The following ZBTB25 variants were observed in gnomAD, a reference collection of about 807,000 sequenced individuals.
ZBTB25 encodes zinc finger and BTB domain containing 25, also known as zinc finger and BTB domain-containing protein 25.
A neutral mutation model predicts 34.2 loss-of-function variants in ZBTB25; 20 were observed. The ratio of observed to expected loss-of-function variants is 0.58; its 90% CI spans 0.41 to 0.85. The LOEUF (loss-of-function observed/expected upper bound fraction) is 0.85. Among genes scored for constraint, ZBTB25 ranks in the 40% least tolerant of loss-of-function variants. The pLI, the probability that ZBTB25 is intolerant of heterozygous loss-of-function variation, is 0.00. For missense variants in ZBTB25, 437 were observed against 521.8 expected, an observed-to-expected ratio of 0.84 and a Z score of 1.58; for synonymous variants, 175 against 186.4, an observed-to-expected ratio of 0.94 and a Z score of 0.50.
chr14:64,453,274 A>G (rs1168617856), intron 2 of ZBTB25, among the ~76,000 whole-genome samples: 1 of 152,076 alleles, frequency 6.6e-6, no homozygotes, highest in East Asian at 1.9e-4. Flanking sequence ...GCTTGATATT[A>G]AAAGAAAGTG....
chr14:64,459,809 T>A, intron 2 of ZBTB25: 2 of 1,535,870 alleles, frequency 1.3e-6, no homozygotes, highest in Non-Finnish European at 1.7e-6. Flanking sequence ...CAGTGTCTAT[T>A]CAGGCCCACT....
chr14:64,469,141 A>T (rs779407522), intron 2 of ZBTB25: 1 of 1,614,174 alleles, frequency 6.2e-7, no homozygotes, highest in Non-Finnish European at 8.5e-7. Context: ...AAGCAAGCCC[A>T]CTTGAAACTT....
chr14:64,449,593 A>G, exon 3 of ZBTB25: 1 of 1,614,182 alleles, frequency 6.2e-7, no homozygotes, highest in South Asian at 1.1e-5. Context: ...ACAAGCACCC[A>G]GCAGCTTCCA....
At chr14:64,469,675 G>A (rs1481383644) in intron 2 of ZBTB25, 7 of 1,567,694 alleles carry the variant, frequency 4.5e-6, no homozygotes, top group Non-Finnish European at 5.2e-6. Context: ...ATCTTCTACA[G>A]TGACTTACTC....
At position 64,498,375 on chromosome 14, in the gene ZBTB25, C is replaced by T. The variant is rs573127707; in HGVS notation, c.-8+5286G>A. ...GGCTGCAGGCTGGAGTGCAATGGCG[C>T]GATCTCGGCTCAATGCAACCTCCGC... On this transcript the variant is annotated intron_variant, in intron 1 of 2. Transcript: ENST00000608382. Among the ~76,000 whole-genome samples, 323 of 151,434 alleles carry T rather than the reference C, an allele frequency of 2.1e-3. 2 individuals are homozygous for T. The South Asian group carries it at 0.025, about 12-fold the overall frequency.
chr14:64,457,570 C>A (rs1012844036), intron 2 of ZBTB25, among the ~76,000 whole-genome samples: 2 of 152,010 alleles, frequency 1.3e-5, no homozygotes, highest in South Asian at 2.1e-4. Flanking sequence ...ATTCTCCTGC[C>A]TCAGCCTCCC....
chr14:64,486,768 T>G lies in ZBTB25; in HGVS notation c.*155A>C. 1 of 1,358,008 alleles carries G rather than the reference T, an allele frequency of 7.4e-7. No individual in the cohort carries two copies. Among genetic ancestry groups the G allele is most frequent in the Non-Finnish European group, 9.5e-7 (1 of 1,057,004 alleles). 84.1% of individuals were successfully genotyped at this position (1,358,008 alleles called of 1,614,324 possible). On this transcript the variant is annotated 3_prime_UTR_variant, in exon 3 of 3. Transcript: ENST00000608382. Reference sequence around the variant, plus strand: ...TTAATAGCCACATATTAATATGTCTTATGAGAAGATCTAATATATACAACC... The same window carrying G: ...TTAATAGCCACATATTAATATGTCTGATGAGAAGATCTAATATATACAACC...
downstream of ZBTB25, among the ~76,000 whole-genome samples, chr14:64,475,146 T>A (rs932118042): frequency 6.6e-6 from 1 of 152,084 alleles, no homozygotes; most frequent in African/African-American, 2.4e-5. Context: ...GCAGGATTTT[T>A]AAAAGTTTTA....
At chr14:64,491,962 G>A (rs2079095336) in intron 1 of ZBTB25, among the ~76,000 whole-genome samples, 1 of 151,848 alleles carries the variant, frequency 6.6e-6, no homozygotes, top group Non-Finnish European at 1.5e-5. Context: ...CTTCCTATGT[G>A]TCAAAAATTA....
intron 1 of ZBTB25, among the ~76,000 whole-genome samples, chr14:64,495,697 C>T (rs1316618489): frequency 6.6e-6 from 1 of 152,240 alleles, no homozygotes; most frequent in African/African-American, 2.4e-5. Context: ...TGGCTCATGC[C>T]TGTAATCCCA....
rs551883374 is a variant in ZBTB25 at position 64,454,412 on chromosome 14, C to T, written c.174-4774G>A. ...TATAGGCATGAACCACTGCACCTGACCCTCTCCAATTTTATTCTCATATCT... is the reference window on the plus strand; with the variant it reads ...TATAGGCATGAACCACTGCACCTGATCCTCTCCAATTTTATTCTCATATCT... On this transcript the variant is annotated intron_variant, in intron 2 of 2. Coordinates refer to the ZBTB25 transcript ENST00000555220. Among the ~76,000 whole-genome samples the T allele has an allele frequency of 5.9e-5, 9 of 152,300 alleles. No homozygotes were observed. In the South Asian group the frequency reaches 1.9e-3, roughly 32 times the overall value.
intron 2 of ZBTB25, among the ~76,000 whole-genome samples, chr14:64,464,344 T>C (rs1257136362): frequency 6.6e-6 from 1 of 152,206 alleles, no homozygotes; most frequent in African/African-American, 2.4e-5. Flanking sequence ...AATTCTTAAT[T>C]ACAACTAAAC....
In ZBTB25 at chr14:64,483,879, G is replaced by C. The variant is rs1294744618; in HGVS notation, c.*3044C>G. On this transcript the variant is annotated 3_prime_UTR_variant, in exon 3 of 3. Transcript: ENST00000608382. ...GAATCACTTGAATTCGAGAGGCGGA[G>C]GTTGCAGTGAGCTGAGATTGCACCA... 6.8e-6 allele frequency: 1 copy of C among 146,230 alleles called. No homozygotes were observed. Among genetic ancestry groups the C allele is most frequent in the African/African-American group, 2.6e-5 (1 of 38,672 alleles). The allele number at this position is 146,230 out of a possible 1,614,324, so 9.1% of individuals were successfully genotyped here.
At chr14:64,450,301 G>A (rs2078350017) in intron 2 of ZBTB25, among the ~76,000 whole-genome samples, 1 of 152,172 alleles carries the variant, frequency 6.6e-6, no homozygotes, top group African/African-American at 2.4e-5. Flanking sequence ...ATTGGTAAGG[G>A]GCTGCATCGA....
At chr14:64,503,481 C>T (rs1451646344) in intron 1 of ZBTB25, 180 bp downstream of exon 1, 1 of 985,306 alleles carries the variant, frequency 1.0e-6, no homozygotes, top group Non-Finnish European at 1.2e-6. Flanking sequence ...AGCGCTCACT[C>T]GCGGATGTAT....
rs1303656669 is a variant in ZBTB25 at position 64,503,692 on chromosome 14, T to C, written c.-39A>G. On this transcript the variant is annotated 5_prime_UTR_variant, in exon 1 of 3. Coordinates refer to ENST00000608382, the MANE Select transcript of ZBTB25 (RefSeq NM_006977.5). ...GCCGCCGCGGCGGCAGGCCGACTCC[T>C]CCGTGCAGGAGGGGCGGGCTCCCAA... 1 of 825,834 alleles carries C rather than the reference T, an allele frequency of 1.2e-6. No homozygotes were observed. Among genetic ancestry groups the C allele is most frequent in the Non-Finnish European group, 1.5e-6 (1 of 684,528 alleles). 51.2% of individuals were successfully genotyped at this position (825,834 alleles called of 1,614,324 possible).
At position 64,485,122 on chromosome 14, in the gene ZBTB25, C is replaced by T; in HGVS notation, c.*1801G>A. On this transcript the variant is annotated 3_prime_UTR_variant, in exon 3 of 3. Coordinates refer to ENST00000608382, the MANE Select transcript of ZBTB25 (RefSeq NM_006977.5). ...TTCTTCATTCAATCCTCAAGAAAAA[C>T]TTACCACTTTGTAATTTACCTAAAC... The T allele has an allele frequency of 3.0e-6, 3 of 985,408 alleles. No individual in the cohort carries two copies. The highest frequency in any genetic ancestry group is 3.6e-6 in the Non-Finnish European group (3 of 829,918). 61.0% of individuals were successfully genotyped at this position (985,408 alleles called of 1,614,324 possible).
intron 2 of ZBTB25, among the ~76,000 whole-genome samples, chr14:64,457,212 T>C (rs2078488528): frequency 1.3e-5 from 2 of 152,168 alleles, no homozygotes; most frequent in Non-Finnish European, 2.9e-5. Context: ...AAAAATCACA[T>C]GGGCAGCTCA....
In ZBTB25 at chr14:64,487,964, A is replaced by T. The variant is rs1192874074; in HGVS notation, c.267T>A (p.Ile89=). The T allele has an allele frequency of 5.6e-6, 9 of 1,614,038 alleles. No homozygotes were observed. ...CTTCCTCCAAACGACTATGATCCAC[A>T]ATCTGTTTTGGCCCTTTCCCCGTGT... is the stretch of plus-strand genomic sequence containing the variant. ...IMYTGKGPKQ[I]VDHSRLEEGI... The change falls in exon 3 of 3, where the codon ATT becomes ATA. Residue 89 remains isoleucine, a synonymous_variant. Transcript: ENST00000608382.
Sources: gnomAD v4.1 joint callset for allele counts (sites outside exome capture counted in the v4.1 genomes callset) on GRCh38, gnomAD v4.1.1 for gene constraint, MANE v1.5 for transcripts, NCBI Gene and HGNC (gene_info 2026-07-23, HGNC 2026-07-21) for gene names.